COL23A1: variants seen among roughly 807,000 people sequenced by gnomAD.
The protein encoded by COL23A1 is collagen alpha-1(XXIII) chain.
COL23A1 carries 97 observed loss-of-function variants against 99.3 expected under a neutral mutation model. The observed-to-expected ratio is 0.98, with a 90% CI of 0.83 to 1.16. The LOEUF (loss-of-function observed/expected upper bound fraction) is 1.16, where lower values mean the gene tolerates loss of function less well. Among genes scored for constraint, COL23A1 ranks in the 50% most tolerant of loss-of-function variants. The pLI, the probability that COL23A1 is intolerant of heterozygous loss-of-function variation, is 0.00. For missense variants in COL23A1, 762 were observed against 757.4 expected (o/e 1.01, Z -0.07); for synonymous variants, 320 against 308.2 (o/e 1.04, Z -0.40).
intron 2 of COL23A1, among the ~76,000 whole-genome samples, chr5:178,552,898 G>GAGAC (rs1441656989): frequency 6.6e-6 from 1 of 151,874 alleles, no homozygotes; most frequent in Admixed American, 6.6e-5. Context: ...ATTTTTAGTA[G>GAGAC]AGGATTTCAC....
At chr5:178,345,960 T>C (rs1258042673) in intron 2 of COL23A1, among the ~76,000 whole-genome samples, 1 of 152,156 alleles carries the variant, frequency 6.6e-6, no homozygotes, top group Non-Finnish European at 1.5e-5. Flanking sequence ...AAGTAGTAGT[T>C]ACAAGAAAAT....
intron 2 of COL23A1, among the ~76,000 whole-genome samples, chr5:178,535,200 C>T (rs576338809): frequency 2.0e-5 from 3 of 152,180 alleles, no homozygotes; most frequent in Admixed American, 6.5e-5. Flanking sequence ...TCTCAAACTC[C>T]GGACCTCAAG....
intron 3 of COL23A1, among the ~76,000 whole-genome samples, chr5:178,304,637 C>T (rs1758254998): frequency 6.7e-6 from 1 of 149,626 alleles, no homozygotes; most frequent in African/African-American, 2.5e-5. Context: ...TAGAAATAAA[C>T]TCAAGGCCCA....
intron 2 of COL23A1, among the ~76,000 whole-genome samples, chr5:178,418,443 T>TA (rs1765426485): frequency 6.6e-6 from 1 of 152,188 alleles, no homozygotes; most frequent in Admixed American, 6.5e-5. Context: ...GTTGTCCCCT[T>TA]AGCAAGAAAC....
At position 178,280,492 on chromosome 5, in the gene COL23A1, T is replaced by C. The variant is rs1289691720; in HGVS notation, c.441+7832A>G. 7.2e-5 allele frequency among the ~76,000 whole-genome samples: 11 copies of C among 152,114 alleles called. No individual in the cohort carries two copies. The East Asian group carries it at 2.1e-3, about 29-fold the overall frequency. On this transcript the variant is annotated intron_variant, in intron 5 of 28. Coordinates refer to ENST00000390654, the MANE Select transcript of COL23A1 (RefSeq NM_173465.4). The surrounding 1 kb of genome is among the most constrained non-coding windows in gnomAD (Gnocchi z 4.9). ...CCCATTCTGTCTCCACTGCATGGGCTGGACATCGTGCCAGCCCTGGGTCCT... is the reference window on the plus strand; with the variant it reads ...CCCATTCTGTCTCCACTGCATGGGCCGGACATCGTGCCAGCCCTGGGTCCT...
intron 16 of COL23A1, among the ~76,000 whole-genome samples, 167 bp from the exon 17 acceptor site, chr5:178,252,764 G>A (rs762161870): frequency 2.0e-4 from 30 of 152,224 alleles, no homozygotes; most frequent in Non-Finnish European, 3.7e-4. Context: ...CACTGTGCAA[G>A]GCTTTATCTG....
At chr5:178,438,064 A>G (rs1273167077) in intron 2 of COL23A1, among the ~76,000 whole-genome samples, 1 of 152,248 alleles carries the variant, frequency 6.6e-6, no homozygotes, top group Non-Finnish European at 1.5e-5. Context: ...CCTGGGGCCA[A>G]AGATGTGCAG....
chr5:178,586,797 C>G (rs436907), intron 1 of COL23A1, among the ~76,000 whole-genome samples: 3,750 of 152,230 alleles, frequency 0.025, 159 homozygotes, highest in African/African-American at 0.086. Flanking sequence ...TTAAAACTGA[C>G]AGCAGAGAGC....
Position 178,280,500 on chromosome 5 carries a change from G to C in COL23A1, c.441+7824C>G, listed in dbSNP as rs971114584. On this transcript the variant is annotated intron_variant, in intron 5 of 28. Coordinates refer to ENST00000390654, the MANE Select transcript of COL23A1 (RefSeq NM_173465.4). This position sits in a 1 kb window ranked among gnomAD's most constrained non-coding sequence, Gnocchi z 4.9. ...GTCTCCACTGCATGGGCTGGACATC[G>C]TGCCAGCCCTGGGTCCTGGTCGGGG... is the stretch of plus-strand genomic sequence containing the variant. 6.6e-6 allele frequency among the ~76,000 whole-genome samples: 1 copy of C among 152,066 alleles called. No homozygotes were observed. Among genetic ancestry groups the C allele is most frequent in the African/African-American group, 2.4e-5 (1 of 41,396 alleles).
rs115673617 is a variant in COL23A1, at chr5:178,467,114, A to G, written c.361+93568T>C. ...AACTCGTGAGAAGGTGAGTTGAGAC[A>G]TGTGGACTGAACCCTGAGCTGGGGT... On this transcript the variant is annotated intron_variant, in intron 2 of 28. Transcript: ENST00000390654. 4.3e-3 allele frequency among the ~76,000 whole-genome samples: 653 copies of G among 152,358 alleles called. 8 individuals carry two copies. Among genetic ancestry groups the G allele is most frequent in the African/African-American group, 0.014 (582 of 41,588 alleles).
At chr5:178,526,851 G>A (rs1239644334) in intron 2 of COL23A1, among the ~76,000 whole-genome samples, 1 of 152,202 alleles carries the variant, frequency 6.6e-6, no homozygotes, top group Non-Finnish European at 1.5e-5. Context: ...GAAAGAATGA[G>A]TCCATCGCAC....
At chr5:178,529,053 C>G (rs767929058) in intron 2 of COL23A1, among the ~76,000 whole-genome samples, 1 of 152,234 alleles carries the variant, frequency 6.6e-6, no homozygotes, top group Non-Finnish European at 1.5e-5. Flanking sequence ...GGTTCTGCTC[C>G]GCAGAGCTAC....
intron 3 of COL23A1, among the ~76,000 whole-genome samples, chr5:178,302,117 T>C (rs1758086570): frequency 1.4e-5 from 2 of 139,316 alleles, no homozygotes; most frequent in South Asian, 2.3e-4. Flanking sequence ...TGCACCTCTG[T>C]GTGCGCCGGA....
At chr5:178,530,123 G>A (rs1018226280) in intron 2 of COL23A1, among the ~76,000 whole-genome samples, 2 of 152,150 alleles carry the variant, frequency 1.3e-5, no homozygotes, top group Non-Finnish European at 1.5e-5. Context: ...GATGCACAGC[G>A]GTTTTAAGCA....
chr5:178,519,290 G>A (rs570316604), intron 2 of COL23A1, among the ~76,000 whole-genome samples: 1 of 152,364 alleles, frequency 6.6e-6, no homozygotes, highest in South Asian at 2.1e-4. Context: ...CAGACCGGGA[G>A]GCCAGTGCCC....
chr5:178,282,942 C>T (rs979861687), intron 5 of COL23A1, among the ~76,000 whole-genome samples: 4 of 152,128 alleles, frequency 2.6e-5, no homozygotes, highest in Admixed American at 6.5e-5. Context: ...GTAATCTTGG[C>T]TCACTGCAAC....
chr5:178,329,397 G>T (rs189988846), intron 2 of COL23A1, among the ~76,000 whole-genome samples: 2 of 152,024 alleles, frequency 1.3e-5, no homozygotes, highest in African/African-American at 2.4e-5. Flanking sequence ...GCCAGCCCTA[G>T]ACTCTCCACA....
chr5:178,351,745 GC>G lies in COL23A1; in HGVS notation c.362-44827del, dbSNP rs368672332. ...TTCCAGGCTGTTTGGGACTAATTGT[GC>G]CCCCCCAGTTTATATGCGGAAGCCC... On this transcript the variant is annotated intron_variant, in intron 2 of 28. Coordinates refer to ENST00000390654, the MANE Select transcript of COL23A1 (RefSeq NM_173465.4). Among the ~76,000 whole-genome samples, 1,021 of 152,132 alleles carry G rather than the reference GC, an allele frequency of 6.7e-3. 12 individuals carry two copies. Among genetic ancestry groups the G allele is most frequent in the South Asian group, 0.03 (147 of 4,824 alleles).
intron 2 of COL23A1, among the ~76,000 whole-genome samples, chr5:178,422,768 A>G (rs1765705504): frequency 6.6e-6 from 1 of 152,164 alleles, no homozygotes. Flanking sequence ...TCCTCTGGCA[A>G]TACAGTTAGG....
Sources: allele counts gnomAD v4.1 joint callset (sites outside exome capture counted in the v4.1 genomes callset), GRCh38; gene constraint gnomAD v4.1.1; non-coding constraint Gnocchi (gnomAD v3.1); transcripts MANE v1.5; gene names NCBI Gene and HGNC (gene_info 2026-07-23, HGNC 2026-07-21).